The following DLG2 variants were observed in gnomAD, a reference collection of about 807,000 sequenced individuals.
The protein encoded by DLG2 is discs large MAGUK scaffold protein 2.
In DLG2, 45 loss-of-function variants were observed where a neutral mutation model predicts 132.5. The observed-to-expected ratio is 0.34, with a 90% CI of 0.27 to 0.44. The LOEUF is 0.44. Among genes scored for constraint, DLG2 ranks in the 20% least tolerant of loss-of-function variants. DLG2 has a pLI of 1.00. For missense variants in DLG2, 1,045 were observed against 1,196.9 expected (o/e 0.87, Z 1.87); for synonymous variants, 424 against 419.6 (o/e 1.01, Z -0.13).
At chr11:83,946,136 C>T (rs1417381054) in intron 14 of DLG2, among the ~76,000 whole-genome samples, 2 of 151,730 alleles carry the variant, frequency 1.3e-5, no homozygotes, top group African/African-American at 2.4e-5. Flanking sequence ...ATTACAAGTG[C>T]CCACCAACAC....
At chr11:84,443,576 C>G (rs1162363497) in intron 7 of DLG2, among the ~76,000 whole-genome samples, 1 of 152,108 alleles carries the variant, frequency 6.6e-6, no homozygotes, top group Non-Finnish European at 1.5e-5. Context: ...ACAGTGTAAT[C>G]AGACATTCAT....
At chr11:83,707,315 T>C (rs1241687918) in intron 18 of DLG2, among the ~76,000 whole-genome samples, 2 of 152,174 alleles carry the variant, frequency 1.3e-5, no homozygotes, top group Non-Finnish European at 2.9e-5. Context: ...TCCTTGAAGG[T>C]AGAGATTGTG....
At chr11:84,182,567 T>C (rs1324758172) in intron 8 of DLG2, among the ~76,000 whole-genome samples, 1 of 150,960 alleles carries the variant, frequency 6.6e-6, no homozygotes, top group Non-Finnish European at 1.5e-5. Flanking sequence ...GAATAGCAAA[T>C]AGAATGTATT....
At chr11:85,382,858 G>C (rs192441202) in intron 3 of DLG2, among the ~76,000 whole-genome samples, 1 of 152,110 alleles carries the variant, frequency 6.6e-6, no homozygotes, top group Admixed American at 6.6e-5. Context: ...TTAAGATATG[G>C]AGAAGTTGTA....
chr11:85,365,490 T>C (rs902773228), intron 3 of DLG2, among the ~76,000 whole-genome samples: 1 of 152,152 alleles, frequency 6.6e-6, no homozygotes, highest in East Asian at 1.9e-4. Context: ...ATTGAACCAG[T>C]AGACTTATTT....
At chr11:85,401,762 C>A (rs2088142144) in intron 3 of DLG2, among the ~76,000 whole-genome samples, 1 of 152,004 alleles carries the variant, frequency 6.6e-6, no homozygotes, top group Non-Finnish European at 1.5e-5. Context: ...GAATAAAATA[C>A]CTAGGAATAC....
At chr11:85,200,586 G>A (rs1188435665) in intron 4 of DLG2, among the ~76,000 whole-genome samples, 1 of 152,140 alleles carries the variant, frequency 6.6e-6, no homozygotes, top group Non-Finnish European at 1.5e-5. Context: ...CTTGCTGGGA[G>A]ATGAATATTT....
At position 84,150,422 on chromosome 11, in the gene DLG2, A is replaced by G. The variant is rs139730739; in HGVS notation, c.624+13039T>C. ...ACTGACTTTTGTATGCTGATTTTAT[A>G]TACTGAAACTTTACTGAAGTGCTTC... On this transcript the variant is annotated intron_variant, in intron 9 of 27. Coordinates refer to ENST00000376104, the MANE Select transcript of DLG2 (RefSeq NM_001142699.3). Among the ~76,000 whole-genome samples the G allele has an allele frequency of 9.8e-5, 15 of 152,342 alleles. 1 individual carries two copies. The highest frequency in any genetic ancestry group is 3.6e-4 in the African/African-American group (15 of 41,578).
At chr11:84,058,269 C>T (rs80222106) in intron 11 of DLG2, among the ~76,000 whole-genome samples, 1,883 of 151,938 alleles carry the variant, frequency 0.012, 39 homozygotes, top group African/African-American at 0.043. Flanking sequence ...TAATGTTAAG[C>T]TAATTATTAG....
At chr11:84,598,833 T>C (rs907887133) in intron 6 of DLG2, among the ~76,000 whole-genome samples, 2 of 150,052 alleles carry the variant, frequency 1.3e-5, no homozygotes, top group African/African-American at 4.9e-5. Context: ...CCCAACTACC[T>C]GGGAGGCTGA....
At chr11:84,023,681 C>T (rs975273885) in intron 11 of DLG2, among the ~76,000 whole-genome samples, 1 of 152,102 alleles carries the variant, frequency 6.6e-6, no homozygotes, top group South Asian at 2.1e-4. Flanking sequence ...CACAGATGAA[C>T]TGCATAGCCT....
chr11:84,793,037 G>A (rs868139071), intron 6 of DLG2, among the ~76,000 whole-genome samples: 8 of 152,006 alleles, frequency 5.3e-5, no homozygotes, highest in African/African-American at 1.7e-4. Flanking sequence ...TTTTTTTGAG[G>A]TAGGCACTTA....
At position 84,272,762 on chromosome 11, in the gene DLG2, T is replaced by C. The variant is rs116210643; in HGVS notation, c.520-21471A>G. 2.6e-3 allele frequency among the ~76,000 whole-genome samples: 396 copies of C among 152,312 alleles called. 1 individual carries two copies. The highest frequency in any genetic ancestry group is 9.0e-3 in the African/African-American group (376 of 41,580). On this transcript the variant is annotated intron_variant, in intron 7 of 27. Transcript: ENST00000376104. ...AGCAATTTTGGTTTCTTGATCTATA[T>C]ATCAAACCTAACTGCAAAAGATATT...
chr11:85,622,384 A>T (rs1310131010), intron 2 of DLG2, among the ~76,000 whole-genome samples: 1 of 152,098 alleles, frequency 6.6e-6, no homozygotes, highest in Non-Finnish European at 1.5e-5. Context: ...CTAACCCGCA[A>T]TATCTCTGAG....
At chr11:84,367,687 G>T (rs1366506216) in intron 7 of DLG2, among the ~76,000 whole-genome samples, 1 of 152,054 alleles carries the variant, frequency 6.6e-6, no homozygotes, top group African/African-American at 2.4e-5. Context: ...TTGGCTCTCA[G>T]TGTACCCCTC....
chr11:85,289,088 C>T (rs778964142), intron 3 of DLG2, among the ~76,000 whole-genome samples: 1 of 152,048 alleles, frequency 6.6e-6, no homozygotes, highest in Non-Finnish European at 1.5e-5. Flanking sequence ...CTTTTGTCTG[C>T]TTATTCTCCA....
intron 4 of DLG2, among the ~76,000 whole-genome samples, chr11:85,256,208 G>A (rs2076656711): frequency 6.6e-6 from 1 of 152,124 alleles, no homozygotes; most frequent in South Asian, 2.1e-4. Flanking sequence ...CAGATGAACA[G>A]AAGAGCAGAA....
At chr11:85,176,438 C>T (rs879561648) in intron 4 of DLG2, among the ~76,000 whole-genome samples, 3 of 152,120 alleles carry the variant, frequency 2.0e-5, no homozygotes, top group Non-Finnish European at 2.9e-5. Flanking sequence ...TGGACCATTT[C>T]CTTACACAAT....
chr11:84,260,882 T>C (rs747878165), intron 7 of DLG2, among the ~76,000 whole-genome samples: 1 of 152,110 alleles, frequency 6.6e-6, no homozygotes, highest in Non-Finnish European at 1.5e-5. Flanking sequence ...TTTATGCAAA[T>C]GATTTCTGAA....
Sources: gnomAD v4.1 joint callset for allele counts (sites outside exome capture counted in the v4.1 genomes callset) on GRCh38, gnomAD v4.1.1 for gene constraint, MANE v1.5 for transcripts, NCBI Gene and HGNC (gene_info 2026-07-23, HGNC 2026-07-21) for gene names.